The following NAA25 variants were observed in gnomAD, a reference collection of about 807,000 sequenced individuals.
The protein encoded by NAA25 is N-alpha-acetyltransferase 25, NatB auxiliary subunit.
In NAA25, 30 loss-of-function variants were observed where a neutral mutation model predicts 132.5. The observed-to-expected ratio is 0.23, with a 90% CI of 0.17 to 0.31. The LOEUF (loss-of-function observed/expected upper bound fraction) is 0.31, where lower values mean the gene tolerates loss of function less well. NAA25 is among the 10% of genes least tolerant of loss of function. The pLI, the probability that NAA25 is intolerant of heterozygous loss-of-function variation, is 1.00. For missense variants in NAA25, 771 were observed against 1,150.4 expected (o/e 0.67, Z 4.77); for synonymous variants, 359 against 401.9 (o/e 0.89, Z 1.28).
At position 112,049,699 on chromosome 12, in the gene NAA25, C is replaced by T; in HGVS notation, c.1729-1256G>A. 2.2e-6 allele frequency: 2 copies of T among 924,146 alleles called. No homozygotes were observed. The highest frequency in any genetic ancestry group is 2.6e-6 in the Non-Finnish European group (2 of 774,148). 57.2% of individuals were successfully genotyped at this position (924,146 alleles called of 1,614,324 possible). On this transcript the variant is annotated intron_variant, in intron 15 of 23. Coordinates refer to ENST00000261745, the MANE Select transcript of NAA25 (RefSeq NM_024953.4). This position sits in a 1 kb window ranked among gnomAD's most constrained non-coding sequence, Gnocchi z 4.7. ...TTTCAAGAAGGACTACCTGAAAAAG[C>T]TCGAGTATACCTTCTAGCTTGATTA...
At position 112,027,730 on chromosome 12, in the gene NAA25, A is replaced by C. The variant is rs2078102829; in HGVS notation, c.*1801T>G. On this transcript the variant is annotated 3_prime_UTR_variant, in exon 24 of 24. Coordinates refer to ENST00000261745, the MANE Select transcript of NAA25 (RefSeq NM_024953.4). ...GGATATTCAGAGAGACATCATTTCA[A>C]GAACACACGCCATACACATGTACCC... The C allele has an allele frequency of 6.6e-6, 1 of 152,310 alleles. No homozygotes were observed. The highest frequency in any genetic ancestry group is 6.5e-5 in the Admixed American group (1 of 15,278). 9.4% of individuals were successfully genotyped at this position (152,310 alleles called of 1,614,324 possible).
intron 23 of NAA25, among the ~76,000 whole-genome samples, chr12:112,031,947 A>G (rs1258247998): frequency 6.6e-6 from 1 of 151,686 alleles, no homozygotes; most frequent in Non-Finnish European, 1.5e-5. Flanking sequence ...ACTAGGTTCA[A>G]TATGAACATG....
In NAA25 at chr12:112,058,635, CATG is replaced by C. The variant is rs535288911; in HGVS notation, c.1447+1632_1447+1634del. The stretch of plus-strand genomic sequence containing the variant: ...GAGGTCTGAAGGATTTTAAGAATGG[CATG>C]ATAAGGCTGGGTGCAGTGGCTCACG... On this transcript the variant is annotated intron_variant, in intron 13 of 23. Transcript: ENST00000261745. Among the ~76,000 whole-genome samples the C allele has an allele frequency of 5.7e-4, 87 of 152,238 alleles. 1 individual carries two copies. In the South Asian group the frequency reaches 0.018, roughly 31 times the overall value.
chr12:112,039,366 A>G (rs2078271040), intron 21 of NAA25, 27 bp from the exon 22 acceptor site: 1 of 1,325,622 alleles, frequency 7.5e-7, no homozygotes, highest in South Asian at 1.2e-5. Context: ...CAAATTCACC[A>G]ATAAGGATTA....
chr12:112,060,688 T>C (rs1361138389), intron 12 of NAA25, among the ~76,000 whole-genome samples: 1 of 152,208 alleles, frequency 6.6e-6, no homozygotes, highest in Non-Finnish European at 1.5e-5. Context: ...ATTCACAATA[T>C]GCTCCTGACT....
Position 112,027,258 on chromosome 12 carries a change from A to G in NAA25, c.*2273T>C, listed in dbSNP as rs2078097973. ...TGGGTTATTTGGGAATTCTCTTCAA[A>G]TACCAATGGCATACGATTGCTGGGA... On this transcript the variant is annotated 3_prime_UTR_variant, in exon 24 of 24. Coordinates refer to ENST00000261745, the MANE Select transcript of NAA25 (RefSeq NM_024953.4). The G allele has an allele frequency of 6.6e-6, 1 of 152,474 alleles. No homozygotes were observed. 9.4% of individuals were successfully genotyped at this position (152,474 alleles called of 1,614,324 possible).
Position 112,090,947 on chromosome 12 carries a change from G to T in NAA25, c.145-83C>A, listed in dbSNP as rs938167627. Reference sequence around the variant, plus strand: ...AAAGAAAGCCGATCTGAAAGAACAAGTATTAAGTTATGCCTAGGTTGCTGA... The same window carrying T: ...AAAGAAAGCCGATCTGAAAGAACAATTATTAAGTTATGCCTAGGTTGCTGA... On this transcript the variant is annotated intron_variant, in intron 2 of 23. Transcript: ENST00000261745. The T allele has an allele frequency of 2.9e-6, 4 of 1,370,124 alleles. No individual in the cohort carries two copies. The East Asian group carries it at 9.3e-5, about 32-fold the overall frequency. The allele number at this position is 1,370,124 out of a possible 1,614,324, so 84.9% of individuals were successfully genotyped here.
intron 15 of NAA25, among the ~76,000 whole-genome samples, chr12:112,050,756 T>A (rs553044349): frequency 4.6e-5 from 7 of 152,216 alleles, no homozygotes. Flanking sequence ...CTTTTAAAGA[T>A]ATGAAAATCT....
chr12:112,090,965 G>C (rs2079119480), intron 2 of NAA25, 101 bp from the exon 3 acceptor site: 4 of 1,183,080 alleles, frequency 3.4e-6, no homozygotes, highest in African/African-American at 1.5e-5. Flanking sequence ...TTATGCCTAG[G>C]TTGCTGATAT....
intron 3 of NAA25, among the ~76,000 whole-genome samples, chr12:112,089,985 C>T (rs1282602373): frequency 2.0e-5 from 3 of 150,892 alleles, no homozygotes; most frequent in African/African-American, 7.3e-5. Context: ...GCGTGCACCA[C>T]CACACCCAGT....
At chr12:112,055,042 CT>C (rs1481177691) in intron 13 of NAA25, among the ~76,000 whole-genome samples, 3 of 152,046 alleles carry the variant, frequency 2.0e-5, no homozygotes, top group African/African-American at 4.8e-5. Flanking sequence ...TAAAATGATA[CT>C]TTTTTTGGGT....
At chr12:112,052,260 A>C (rs531147345) in intron 15 of NAA25, among the ~76,000 whole-genome samples, 1 of 152,284 alleles carries the variant, frequency 6.6e-6, no homozygotes, top group South Asian at 2.1e-4. Flanking sequence ...TAGAAACCCA[A>C]CATCCTAGAG....
At chr12:112,067,319 G>T (rs924217334) in intron 11 of NAA25, among the ~76,000 whole-genome samples, 65 of 152,102 alleles carry the variant, frequency 4.3e-4, no homozygotes, top group Non-Finnish European at 6.9e-4. Context: ...CTACAGACTG[G>T]GAGAATACAT....
chr12:112,038,086 T>C (rs1815372077), intron 22 of NAA25, among the ~76,000 whole-genome samples: 2 of 152,218 alleles, frequency 1.3e-5, no homozygotes, highest in South Asian at 4.1e-4. Context: ...CTATCTTGGC[T>C]CACTGCAACC....
chr12:112,087,003 C>A, intron 4 of NAA25, among the ~76,000 whole-genome samples: 1 of 134,736 alleles, frequency 7.4e-6, no homozygotes, highest in Non-Finnish European at 1.5e-5. Context: ...AGCAAAACTC[C>A]ATCTCCAAAA....
At chr12:112,072,966 G>A (rs1022322915) in intron 9 of NAA25, among the ~76,000 whole-genome samples, 1 of 151,792 alleles carries the variant, frequency 6.6e-6, no homozygotes, top group African/African-American at 2.4e-5. Context: ...AGGCACGGTG[G>A]CTCACACCTG....
intron 4 of NAA25, among the ~76,000 whole-genome samples, chr12:112,086,073 T>TATATATAA: frequency 1.9e-5 from 1 of 53,986 alleles, no homozygotes; most frequent in East Asian, 2.3e-3. Context: ...TATATATATA[T>TATATATAA]ACACACACAC....
chr12:112,027,940 T>TAGTTGATGGGTAA lies in NAA25; in HGVS notation c.*1590_*1591insTTACCCATCAACT, dbSNP rs2078104591. ...TTGCTACTCATATCAAAAATAAATT[T>TAGTTGATGGGTAA]TTGAAATTAGTTGATGGACTAGGAT... On this transcript the variant is annotated 3_prime_UTR_variant, in exon 24 of 24. Transcript: ENST00000261745. 1 of 152,238 alleles carries TAGTTGATGGGTAA rather than the reference T, an allele frequency of 6.6e-6. No homozygotes were observed. The highest frequency in any genetic ancestry group is 1.9e-4 in the East Asian group (1 of 5,202). 9.4% of individuals were successfully genotyped at this position (152,238 alleles called of 1,614,324 possible).
chr12:112,056,531 T>C (rs2078549279), intron 13 of NAA25, among the ~76,000 whole-genome samples: 1 of 152,178 alleles, frequency 6.6e-6, no homozygotes, highest in Admixed American at 6.5e-5. Context: ...CACTCTAGCC[T>C]GGATGACAGT....
Sources: gnomAD v4.1 joint callset for allele counts (sites outside exome capture counted in the v4.1 genomes callset) on GRCh38, gnomAD v4.1.1 for gene constraint, Gnocchi (gnomAD v3.1) non-coding constraint, MANE v1.5 for transcripts, NCBI Gene and HGNC (gene_info 2026-07-23, HGNC 2026-07-21) for gene names.